Variants in BEAN1 observed in about 807,000 individuals in gnomAD.
The protein encoded by BEAN1 is brain expressed associated with NEDD4 1, also known as protein BEAN1.
BEAN1 carries 17 observed loss-of-function variants against 17.7 expected under a neutral mutation model. That is an observed-to-expected ratio of 0.96 (90% confidence interval 0.66 to 1.44). The LOEUF is 1.44. Among genes scored for constraint, BEAN1 ranks in the 40% most tolerant of loss-of-function variants. The probability of loss-of-function intolerance (pLI) is 0.00; values close to 1 mark genes in which losing one functional copy is unlikely to be tolerated. For synonymous variants in BEAN1, 142 were observed against 151.8 expected, an observed-to-expected ratio of 0.94 and a Z score of 0.47; for missense variants, 359 against 374.1, an observed-to-expected ratio of 0.96 and a Z score of 0.33.
At chr16:66,491,150 T>C (rs1964171608) in intron 4 of BEAN1, among the ~76,000 whole-genome samples, 1 of 152,212 alleles carries the variant, frequency 6.6e-6, no homozygotes, top group Non-Finnish European at 1.5e-5. Flanking sequence ...CGGCTCGATG[T>C]CTGCAGGCAA....
At chr16:66,478,471 G>A (rs1449447623) in intron 4 of BEAN1, among the ~76,000 whole-genome samples, 7 of 151,950 alleles carry the variant, frequency 4.6e-5, no homozygotes, top group South Asian at 2.1e-4. Context: ...GCGTGGTGGC[G>A]GGCGCCTGTA....
At chr16:66,464,997 G>C (rs1118034) in intron 2 of BEAN1, among the ~76,000 whole-genome samples, 12,032 of 152,228 alleles carry the variant, frequency 0.079, 745 homozygotes, top group South Asian at 0.24. Flanking sequence ...GAAGGTTTTA[G>C]TATTTCACCA....
chr16:66,464,777 T>C (rs974001462), intron 2 of BEAN1, among the ~76,000 whole-genome samples: 2 of 152,276 alleles, frequency 1.3e-5, no homozygotes, highest in Non-Finnish European at 2.9e-5. Context: ...TTGCTGAATT[T>C]ATTAGTTCTA....
chr16:66,490,454 T>TAC (rs1555522952), intron 4 of BEAN1, among the ~76,000 whole-genome samples: 8 of 45,174 alleles, frequency 1.8e-4, no homozygotes, highest in Non-Finnish European at 4.0e-4. Flanking sequence ...TAAAATAAAA[T>TAC]AATAAAATAA....
At chr16:66,457,180 G>A (rs762147987) in intron 2 of BEAN1, among the ~76,000 whole-genome samples, 4 of 152,194 alleles carry the variant, frequency 2.6e-5, no homozygotes, top group African/African-American at 4.8e-5. Flanking sequence ...TGAATTAAGT[G>A]TTTGGTGAGT....
chr16:66,492,381 C>G (rs927064511), intron 4 of BEAN1, among the ~76,000 whole-genome samples: 3 of 151,940 alleles, frequency 2.0e-5, no homozygotes, highest in African/African-American at 7.3e-5. Flanking sequence ...CAGGCCCTGA[C>G]TGCTAGGCTG....
At chr16:66,465,115 A>G (rs550310140) in intron 2 of BEAN1, among the ~76,000 whole-genome samples, 61 of 152,298 alleles carry the variant, frequency 4.0e-4, no homozygotes, top group African/African-American at 1.4e-3. Context: ...AGGAGAATTC[A>G]ATTTTGTCAT....
chr16:66,462,972 A>T (rs1963138884), intron 2 of BEAN1, among the ~76,000 whole-genome samples: 1 of 152,180 alleles, frequency 6.6e-6, no homozygotes, highest in Non-Finnish European at 1.5e-5. Flanking sequence ...ATGGCATGAT[A>T]TATAGTGGGG....
intron 2 of BEAN1, among the ~76,000 whole-genome samples, chr16:66,446,673 TGA>T (rs1962468388): frequency 6.6e-6 from 1 of 152,104 alleles, no homozygotes; most frequent in Admixed American, 6.5e-5. Flanking sequence ...GTCAAAAGAC[TGA>T]GTCTTGGGCT....
chr16:66,477,984 C>A (rs1963825712), intron 4 of BEAN1: 3 of 312,096 alleles, frequency 9.6e-6, no homozygotes, highest in Admixed American at 5.2e-5. Flanking sequence ...AATGCCCCTG[C>A]AGTTTCAGGG....
chr16:66,476,209 TTTC>T (rs1878249680), intron 3 of BEAN1: 1 of 152,146 alleles, frequency 6.6e-6, no homozygotes, highest in South Asian at 2.1e-4. Context: ...TTTGGAATAT[TTTC>T]TTCTGAGAGC....
chr16:66,445,949 G>A (rs1330756577), intron 2 of BEAN1, among the ~76,000 whole-genome samples: 7 of 152,152 alleles, frequency 4.6e-5, no homozygotes, highest in African/African-American at 7.2e-5. Context: ...TTGGGAGGCC[G>A]AGGACGATGG....
intron 2 of BEAN1, among the ~76,000 whole-genome samples, chr16:66,458,393 G>T (rs1388480512): frequency 6.6e-6 from 1 of 152,010 alleles, no homozygotes; most frequent in African/African-American, 2.4e-5. Context: ...ATACAGGCCT[G>T]GATCTCATTC....
At chr16:66,454,014 G>A (rs192034427) in intron 2 of BEAN1, among the ~76,000 whole-genome samples, 33 of 152,314 alleles carry the variant, frequency 2.2e-4, no homozygotes, top group Middle Eastern at 6.8e-3. Flanking sequence ...GATTCCAGGC[G>A]TGAGCCCACC....
downstream of BEAN1, chr16:66,484,553 C>T: frequency 2.2e-6 from 1 of 453,714 alleles, no homozygotes. The surrounding 1 kb of genome is among the most constrained non-coding windows in gnomAD (Gnocchi z 4.2). Context: ...ATCAGAGGCC[C>T]AAGGAGATGG....
intron 1 of BEAN1, 98 bp from the exon 2 acceptor site, chr16:66,437,497 C>T (rs767957771): frequency 5.9e-5 from 41 of 699,134 alleles, no homozygotes; most frequent in Non-Finnish European, 8.0e-5. Flanking sequence ...CATCCTCTCC[C>T]GCAGAGGTTG....
At chr16:66,433,246 C>T (rs1325441910) in intron 1 of BEAN1, among the ~76,000 whole-genome samples, 1 of 152,110 alleles carries the variant, frequency 6.6e-6, no homozygotes, top group Non-Finnish European at 1.5e-5. Flanking sequence ...GTAGCTGGGA[C>T]TACAGGCGCA....
Position 66,435,855 on chromosome 16 carries a change from T to G in BEAN1, c.-82-1740T>G, listed in dbSNP as rs192313486. On this transcript the variant is annotated intron_variant, in intron 1 of 4. Coordinates refer to ENST00000536005, the MANE Select transcript of BEAN1 (RefSeq NM_001178020.3). ...TTTGGAGAGTCTGTGCTCAAAAGTC[T>G]AATCCTTCAGTGCTAATACCAGCTC... Among the ~76,000 whole-genome samples, 407 of 152,316 alleles carry G rather than the reference T, an allele frequency of 2.7e-3. 2 individuals are homozygous for G. The highest frequency in any genetic ancestry group is 5.0e-3 in the Non-Finnish European group (343 of 68,036).
downstream of BEAN1, chr16:66,484,471 T>C (rs1964056829): frequency 2.5e-6 from 1 of 396,538 alleles, no homozygotes; most frequent in South Asian, 1.8e-5. This position sits in a 1 kb window ranked among gnomAD's most constrained non-coding sequence, Gnocchi z 4.2. Context: ...TTCAAGGTCC[T>C]TTGCACATTC....
Sources: gnomAD v4.1 joint callset for allele counts (sites outside exome capture counted in the v4.1 genomes callset) on GRCh38, gnomAD v4.1.1 for gene constraint, Gnocchi (gnomAD v3.1) non-coding constraint, MANE v1.5 for transcripts, NCBI Gene and HGNC (gene_info 2026-07-23, HGNC 2026-07-21) for gene names.